The following AGTPBP1 variants were observed in gnomAD, a reference collection of about 807,000 sequenced individuals.
AGTPBP1 encodes the protein ATP/GTP binding carboxypeptidase 1.
Under a neutral mutation model 143.9 loss-of-function variants are expected in AGTPBP1, and 70 were observed. That is an observed-to-expected ratio of 0.49 (90% CI 0.40 to 0.59). The LOEUF is 0.59. Among genes scored for constraint, AGTPBP1 ranks in the 20% least tolerant of loss-of-function variants. The pLI, the probability that AGTPBP1 is intolerant of heterozygous loss-of-function variation, is 0.00. For missense variants in AGTPBP1, 1,229 were observed against 1,464.5 expected (o/e 0.84, Z 2.62); for synonymous variants, 463 against 500.2 (o/e 0.93, Z 0.99).
chr9:85,766,724 G>A, the AGTPBP1 span, among the ~76,000 whole-genome samples: 1 of 152,028 alleles, frequency 6.6e-6, no homozygotes, highest in East Asian at 1.9e-4. Flanking sequence ...GTGAGGCTCT[G>A]CTCTTATCAC....
chr9:85,647,897 T>C (rs1832914343), intron 11 of AGTPBP1, among the ~76,000 whole-genome samples: 1 of 152,200 alleles, frequency 6.6e-6, no homozygotes, highest in Non-Finnish European at 1.5e-5. Context: ...TGTAACATAG[T>C]AGGCCAAGTA....
At chr9:85,650,780 T>C (rs1041386811) in intron 11 of AGTPBP1, among the ~76,000 whole-genome samples, 1 of 152,220 alleles carries the variant, frequency 6.6e-6, no homozygotes, top group Non-Finnish European at 1.5e-5. Context: ...ACCAACACTG[T>C]TTCTACCAAT....
chr9:85,578,126 C>G (rs1181050206), intron 24 of AGTPBP1, among the ~76,000 whole-genome samples: 1 of 152,124 alleles, frequency 6.6e-6, no homozygotes, highest in Non-Finnish European at 1.5e-5. Flanking sequence ...ATCTAAAGTC[C>G]AACTCATTGC....
At chr9:85,710,408 T>C (rs62570588) in intron 2 of AGTPBP1, among the ~76,000 whole-genome samples, 2,257 of 152,206 alleles carry the variant, frequency 0.015, 25 homozygotes, top group Middle Eastern at 0.037. Context: ...TGAGCTCTCA[T>C]CAAATTTGAA....
intron 19 of AGTPBP1, among the ~76,000 whole-genome samples, 178 bp from the exon 20 acceptor site, chr9:85,589,859 A>G (rs1828846932): frequency 6.6e-6 from 1 of 152,112 alleles, no homozygotes; most frequent in South Asian, 2.1e-4. Flanking sequence ...TGAAACAGGC[A>G]ATATATTGTT....
rs376074133 is a variant in AGTPBP1, at chr9:85,672,687, T to TAA, written c.437-8_437-7dup. On this transcript the variant is annotated splice_polypyrimidine_tract_variant and splice_region_variant and intron_variant, in intron 6 of 25. Transcript: ENST00000357081. ...CTTTACTCCAAATTTTTTATCTGTT[T>TAA]AAAAAAAAAAAAGACAATTTATGCA... The TAA allele has an allele frequency of 7.5e-5, 89 of 1,181,526 alleles. No individual in the cohort carries two copies. The highest frequency in any genetic ancestry group is 1.1e-4 in the African/African-American group (7 of 61,424). 73.2% of individuals were successfully genotyped at this position (1,181,526 alleles called of 1,614,324 possible). A position where few individuals can be genotyped will look rare whatever the true frequency, so the allele number is the denominator to read the frequency against.
intron 17 of AGTPBP1, among the ~76,000 whole-genome samples, chr9:85,616,630 T>C (rs1218909507): frequency 6.6e-6 from 1 of 151,972 alleles, no homozygotes; most frequent in Non-Finnish European, 1.5e-5. Context: ...ACCATACCAA[T>C]AAAATTAATT....
At chr9:85,739,998 C>G (rs930434763) in intron 1 of AGTPBP1, among the ~76,000 whole-genome samples, 7 of 149,614 alleles carry the variant, frequency 4.7e-5, no homozygotes, top group African/African-American at 1.5e-4. Context: ...AGTGAGACTC[C>G]GTCTCAAAAA....
intron 1 of AGTPBP1, among the ~76,000 whole-genome samples, chr9:85,736,342 C>CA (rs1823767939): frequency 1.3e-5 from 2 of 152,076 alleles, no homozygotes; most frequent in Non-Finnish European, 2.9e-5. Context: ...ATTTATGAGG[C>CA]ACAGTGATCT....
chr9:85,756,392 T>C, the AGTPBP1 span: 2 of 957,636 alleles, frequency 2.1e-6, no homozygotes, highest in African/African-American at 3.4e-5. Flanking sequence ...GCTGGTGAAA[T>C]TGGAAAATGG....
chr9:85,664,451 A>G (rs1429180237), intron 8 of AGTPBP1, among the ~76,000 whole-genome samples: 24 of 152,154 alleles, frequency 1.6e-4, no homozygotes, highest in Non-Finnish European at 1.8e-4. Flanking sequence ...TCATTTTTAT[A>G]TGATTTTTAA....
intron 17 of AGTPBP1, among the ~76,000 whole-genome samples, 185 bp from the exon 18 acceptor site, chr9:85,596,634 TTTTA>T (rs1337629231): frequency 6.6e-6 from 1 of 152,224 alleles, no homozygotes; most frequent in Non-Finnish European, 1.5e-5. Context: ...AATGATATGC[TTTTA>T]TTTTTTAGTT....
intron 7 of AGTPBP1, among the ~76,000 whole-genome samples, chr9:85,671,529 T>G (rs1025601664): frequency 2.0e-5 from 3 of 152,190 alleles, no homozygotes; most frequent in Non-Finnish European, 4.4e-5. Flanking sequence ...ATACATAAGC[T>G]TATGTATGTT....
At chr9:85,551,024 T>C (rs1018046920) in intron 25 of AGTPBP1, among the ~76,000 whole-genome samples, 1 of 152,110 alleles carries the variant, frequency 6.6e-6, no homozygotes, top group Non-Finnish European at 1.5e-5. Flanking sequence ...TCTGTGTTCA[T>C]GCGAGATCTG....
intron 1 of AGTPBP1, among the ~76,000 whole-genome samples, chr9:85,740,478 G>C (rs1824182055): frequency 6.6e-6 from 1 of 152,214 alleles, no homozygotes; most frequent in African/African-American, 2.4e-5. Context: ...AGATCTTTCA[G>C]AGTTTTGTTT....
At chr9:85,667,050 G>A (rs1834175735) in intron 8 of AGTPBP1, among the ~76,000 whole-genome samples, 1 of 152,034 alleles carries the variant, frequency 6.6e-6, no homozygotes, top group Non-Finnish European at 1.5e-5. Context: ...GTATCCTAGG[G>A]CCAGTAAATG....
intron 8 of AGTPBP1, among the ~76,000 whole-genome samples, chr9:85,666,562 A>G (rs1834146246): frequency 6.6e-6 from 1 of 152,152 alleles, no homozygotes; most frequent in Admixed American, 6.5e-5. Context: ...TCCTTTTTAA[A>G]GTAGAAATAG....
chr9:85,788,986 C>T, the AGTPBP1 span, among the ~76,000 whole-genome samples: 2 of 151,814 alleles, frequency 1.3e-5, no homozygotes, highest in Non-Finnish European at 2.9e-5. Context: ...ATCCTACTTG[C>T]TCAAGAAATT....
At chr9:85,630,771 C>A (rs547341981) in intron 14 of AGTPBP1, among the ~76,000 whole-genome samples, 7 of 152,188 alleles carry the variant, frequency 4.6e-5, no homozygotes, top group African/African-American at 1.7e-4. Flanking sequence ...TGAGCTACTG[C>A]ACCCAGGCCC....
Sources: gnomAD v4.1 joint callset for allele counts (sites outside exome capture counted in the v4.1 genomes callset) on GRCh38, gnomAD v4.1.1 for gene constraint, MANE v1.5 for transcripts, NCBI Gene and HGNC (gene_info 2026-07-23, HGNC 2026-07-21) for gene names.